SUPT3H: variants seen among roughly 807,000 people sequenced by gnomAD.
The protein encoded by SUPT3H is SPT3 homolog, SAGA and STAGA complex component.
A neutral mutation model predicts 44.3 loss-of-function variants in SUPT3H; 44 were observed. The observed-to-expected ratio is 0.99, with a 90% CI of 0.78 to 1.28. The LOEUF (loss-of-function observed/expected upper bound fraction) is 1.28, where lower values mean the gene tolerates loss of function less well. SUPT3H is among the 50% of genes most tolerant of loss of function. SUPT3H has a pLI of 0.00. For missense variants in SUPT3H, 380 were observed against 387.1 expected, an observed-to-expected ratio of 0.98 and a Z score of 0.15; for synonymous variants, 124 against 125.6, an observed-to-expected ratio of 0.99 and a Z score of 0.09.
At chr6:45,042,059 A>G (rs1788616282) in intron 3 of SUPT3H, among the ~76,000 whole-genome samples, 1 of 152,218 alleles carries the variant, frequency 6.6e-6, no homozygotes, top group South Asian at 2.1e-4. Context: ...ACAGTATGGC[A>G]TAGAATAAAA....
rs189096367 is a variant in SUPT3H, at chr6:44,984,061, T to C, written c.504+19592A>G. Reference sequence around the variant, plus strand: ...GTGGATGAATGAATAGAGGGTCTAATCTAGTAAGGAGCTAAGGCACTGTCT... The same window carrying C: ...GTGGATGAATGAATAGAGGGTCTAACCTAGTAAGGAGCTAAGGCACTGTCT... On this transcript the variant is annotated intron_variant, in intron 6 of 10. Transcript: ENST00000371459. 2.6e-5 allele frequency among the ~76,000 whole-genome samples: 4 copies of C among 152,298 alleles called. No homozygotes were observed. In the East Asian group the frequency reaches 7.7e-4, roughly 29 times the overall value.
chr6:45,302,558 C>CATATATATATATATAT (rs1562914804), intron 2 of SUPT3H, among the ~76,000 whole-genome samples: 2 of 73,718 alleles, frequency 2.7e-5, no homozygotes, highest in African/African-American at 4.7e-5. Flanking sequence ...TATATATATG[C>CATATATATATATATAT]ATGCCACAAT....
chr6:45,101,421 G>A (rs138103855), intron 3 of SUPT3H, among the ~76,000 whole-genome samples: 134 of 152,222 alleles, frequency 8.8e-4, no homozygotes, highest in East Asian at 3.1e-3. Context: ...GCGAAACTCC[G>A]TCTCCAAAAC....
In SUPT3H at chr6:45,281,322, C is replaced by A. The variant is rs184789108; in HGVS notation, c.101+83879G>T. On this transcript the variant is annotated intron_variant, in intron 2 of 10. Transcript: ENST00000371459. ...GCATCACCCGCGAAGCGCAAGGGGTCAGGGAATTCCATTTCCTAGTCAAAG... is the reference window on the plus strand; with the variant it reads ...GCATCACCCGCGAAGCGCAAGGGGTAAGGGAATTCCATTTCCTAGTCAAAG... 2.6e-5 allele frequency among the ~76,000 whole-genome samples: 4 copies of A among 152,344 alleles called. No homozygotes were observed. The South Asian group carries it at 8.3e-4, about 32-fold the overall frequency.
intron 10 of SUPT3H, among the ~76,000 whole-genome samples, chr6:44,916,048 T>C (rs976490728): frequency 1.3e-5 from 2 of 152,234 alleles, no homozygotes; most frequent in East Asian, 3.8e-4. Flanking sequence ...AACAATTTTG[T>C]TGAATTATAG....
intron 2 of SUPT3H, among the ~76,000 whole-genome samples, chr6:45,179,153 C>G (rs544987186): frequency 2.0e-5 from 3 of 152,156 alleles, no homozygotes; most frequent in Non-Finnish European, 4.4e-5. Context: ...TTCCTCGACA[C>G]GTACACTCTC....
chr6:45,141,338 CAAAAAAAAAAA>C (rs1162738855), intron 2 of SUPT3H, among the ~76,000 whole-genome samples: 4 of 45,280 alleles, frequency 8.8e-5, no homozygotes, highest in South Asian at 1.6e-3. Flanking sequence ...GACTCCATCT[CAAAAAAAAAAA>C]AAAAAAAAAA....
At chr6:45,293,635 T>G (rs1187412067) in intron 2 of SUPT3H, among the ~76,000 whole-genome samples, 1 of 151,890 alleles carries the variant, frequency 6.6e-6, no homozygotes, top group Non-Finnish European at 1.5e-5. Context: ...ATAAGCTCAG[T>G]GAGAAACAAT....
At chr6:44,883,346 C>T (rs1778574216) in intron 10 of SUPT3H, among the ~76,000 whole-genome samples, 1 of 152,096 alleles carries the variant, frequency 6.6e-6, no homozygotes, top group African/African-American at 2.4e-5. Flanking sequence ...TAAAGGAGAA[C>T]TACAAACCAC....
chr6:45,158,535 A>C (rs928212730), intron 2 of SUPT3H, among the ~76,000 whole-genome samples: 1 of 151,776 alleles, frequency 6.6e-6, no homozygotes, highest in Non-Finnish European at 1.5e-5. Flanking sequence ...ACCTCAAAAC[A>C]TCTGAACTCT....
intron 2 of SUPT3H, among the ~76,000 whole-genome samples, chr6:45,280,634 T>C (rs4479922): frequency 0.22 from 33,357 of 152,150 alleles, 4,483 homozygotes; most frequent in Non-Finnish European, 0.31. Context: ...TTTCAATATA[T>C]TCAGAACACG....
chr6:45,071,879 T>C (rs1794437368), intron 3 of SUPT3H, among the ~76,000 whole-genome samples: 1 of 152,188 alleles, frequency 6.6e-6, no homozygotes, highest in Non-Finnish European at 1.5e-5. Context: ...TGGTATTCCC[T>C]GGATTATACC....
rs1768269941 is a variant in SUPT3H, at chr6:44,829,720, A to AAAG, written c.*93_*95dup. On this transcript the variant is annotated 3_prime_UTR_variant, in exon 11 of 11. Transcript: ENST00000371459. ...ACAGACCAGCCCACTCCCTCAGATAAAAGAAAGGTAAATTTGTATTTTATT... is the reference window on the plus strand; with the variant it reads ...ACAGACCAGCCCACTCCCTCAGATAAAAGAAGAAAGGTAAATTTGTATTTTATT... The AAAG allele has an allele frequency of 1.1e-5, 16 of 1,439,066 alleles. No homozygotes were observed. In the East Asian group the frequency reaches 3.7e-4, roughly 33 times the overall value. 89.1% of individuals were successfully genotyped at this position (1,439,066 alleles called of 1,614,324 possible).
At chr6:44,993,913 T>C (rs977228384) in intron 6 of SUPT3H, among the ~76,000 whole-genome samples, 10 of 152,142 alleles carry the variant, frequency 6.6e-5, no homozygotes, top group African/African-American at 2.2e-4. Flanking sequence ...CAAGTTTATT[T>C]TGCAAACCAC....
chr6:44,961,249 T>C (rs964459271), intron 7 of SUPT3H, among the ~76,000 whole-genome samples: 8 of 152,174 alleles, frequency 5.3e-5, no homozygotes, highest in Admixed American at 1.3e-4. Context: ...CTAATAAATT[T>C]GGCTAACACT....
chr6:44,810,099 A>G (rs1413565920), intron 11 of SUPT3H, among the ~76,000 whole-genome samples: 6 of 152,202 alleles, frequency 3.9e-5, no homozygotes, highest in Non-Finnish European at 8.8e-5. Context: ...TCTGGACAAG[A>G]GCTAAATACC....
At chr6:45,083,631 A>C (rs1425019554) in intron 3 of SUPT3H, among the ~76,000 whole-genome samples, 1 of 152,146 alleles carries the variant, frequency 6.6e-6, no homozygotes, top group East Asian at 1.9e-4. Context: ...AAAAAGCTTG[A>C]ATACCCAGAG....
chr6:45,359,638 A>G (rs1201854925), intron 2 of SUPT3H, among the ~76,000 whole-genome samples: 1 of 152,236 alleles, frequency 6.6e-6, no homozygotes, highest in Non-Finnish European at 1.5e-5. Flanking sequence ...ATAAGTATAT[A>G]GTAAGTATAT....
intron 6 of SUPT3H, among the ~76,000 whole-genome samples, chr6:44,973,126 T>C (rs1256373761): frequency 6.6e-6 from 1 of 152,230 alleles, no homozygotes; most frequent in Non-Finnish European, 1.5e-5. Flanking sequence ...TCTGGTTCCC[T>C]TTTAAACATA....
Sources: allele counts gnomAD v4.1 joint callset (sites outside exome capture counted in the v4.1 genomes callset), GRCh38; gene constraint gnomAD v4.1.1; transcripts MANE v1.5; gene names NCBI Gene and HGNC (gene_info 2026-07-23, HGNC 2026-07-21).